NFAT5: variants seen among roughly 807,000 people sequenced by gnomAD.
NFAT5 encodes the protein nuclear factor of activated T cells 5.
A neutral mutation model predicts 166.5 loss-of-function variants in NFAT5; 31 were observed. That is an observed-to-expected ratio of 0.19 (90% CI 0.14 to 0.25). The LOEUF is 0.25. NFAT5 is among the 10% of genes least tolerant of loss of function. The pLI, the probability that NFAT5 is intolerant of heterozygous loss-of-function variation, is 1.00. For synonymous variants in NFAT5, 612 were observed against 639.7 expected (o/e 0.96, Z 0.65); for missense variants, 1,449 against 1,821.8 (o/e 0.80, Z 3.72).
intron 10 of NFAT5, among the ~76,000 whole-genome samples, chr16:69,677,702 T>A (rs1351687813): frequency 1.3e-5 from 2 of 152,152 alleles, no homozygotes; most frequent in African/African-American, 4.8e-5. Context: ...GTTTGGCTGG[T>A]TTATAGGGTA....
intron 10 of NFAT5, among the ~76,000 whole-genome samples, chr16:69,680,738 ATTTTTTTG>A (rs538788295): frequency 0.012 from 1,754 of 151,852 alleles, 26 homozygotes; most frequent in African/African-American, 0.037. Flanking sequence ...TGCAATTTTC[ATTTTTTTG>A]TTTTTTTGTT....
intron 9 of NFAT5, among the ~76,000 whole-genome samples, chr16:69,673,214 A>G (rs2036695280): frequency 2.6e-5 from 4 of 152,210 alleles, no homozygotes; most frequent in African/African-American, 7.2e-5. Context: ...GCAAGCAAGT[A>G]TGTAAACAAA....
At chr16:69,657,583 A>G (rs1403724132) in intron 6 of NFAT5, among the ~76,000 whole-genome samples, 2 of 148,104 alleles carry the variant, frequency 1.4e-5, no homozygotes, top group Non-Finnish European at 3.0e-5. Context: ...AGATGGAGAA[A>G]CCCTGTCTCT....
At chr16:69,582,162 G>T (rs376042835) in intron 2 of NFAT5, among the ~76,000 whole-genome samples, 1 of 152,288 alleles carries the variant, frequency 6.6e-6, no homozygotes, top group African/African-American at 2.4e-5. Flanking sequence ...CTGCTCAGGA[G>T]GCTGAGGCAG....
intron 3 of NFAT5, among the ~76,000 whole-genome samples, chr16:69,634,861 C>T (rs975039711): frequency 2.6e-5 from 4 of 152,060 alleles, no homozygotes; most frequent in Admixed American, 6.6e-5. Flanking sequence ...AAATAAATTT[C>T]TAATAATATT....
chr16:69,585,815 T>G (rs1341576710), intron 2 of NFAT5, among the ~76,000 whole-genome samples: 1 of 152,132 alleles, frequency 6.6e-6, no homozygotes, highest in Non-Finnish European at 1.5e-5. Flanking sequence ...AAGTAGAATA[T>G]TGTCTAGAAA....
In NFAT5 at chr16:69,643,127, G is replaced by A. The variant is rs1287165743; in HGVS notation, c.254-3901G>A. On this transcript the variant is annotated intron_variant, in intron 3 of 14. Coordinates refer to ENST00000349945, the MANE Select transcript of NFAT5 (RefSeq NM_138713.4). The stretch of plus-strand genomic sequence containing the variant: ...AGCTACTCAGGAGGCTAAGGCGGGA[G>A]AATCACTTGAAACCTGGGAGGCAGA... Among the ~76,000 whole-genome samples, 3 of 148,900 alleles carry A rather than the reference G, an allele frequency of 2.0e-5. No homozygotes were observed. The East Asian group carries it at 6.0e-4, about 30-fold the overall frequency.
intron 3 of NFAT5, among the ~76,000 whole-genome samples, chr16:69,642,031 C>T (rs899052520): frequency 4.0e-5 from 6 of 151,566 alleles, no homozygotes; most frequent in Admixed American, 2.6e-4. Flanking sequence ...CCCAGGAGGT[C>T]GAGGCTGCAG....
At chr16:69,626,260 C>G (rs1475293416) in intron 2 of NFAT5, 143 bp from the exon 3 acceptor site, 1 of 664,594 alleles carries the variant, frequency 1.5e-6, no homozygotes, top group South Asian at 3.7e-5. Flanking sequence ...CTGCTAATAG[C>G]TCTTTACATT....
intron 2 of NFAT5, among the ~76,000 whole-genome samples, chr16:69,581,528 C>G (rs1443336902): frequency 1.3e-5 from 2 of 152,166 alleles, no homozygotes; most frequent in African/African-American, 4.8e-5. Flanking sequence ...AAACTGCTTT[C>G]CATGATGGCT....
chr16:69,688,228 C>CAAAAAAAAAAAAAAAAAAAA, intron 11 of NFAT5, among the ~76,000 whole-genome samples: 1 of 102,404 alleles, frequency 9.8e-6, no homozygotes, highest in African/African-American at 4.3e-5. Context: ...AAAAAAAAAC[C>CAAAAAAAAAAAAAAAAAAAA]AGGAGTTTGA....
chr16:69,694,053 G>C lies in NFAT5; in HGVS notation c.4228G>C (p.Asp1410His), dbSNP rs1198206477. ...SALQTSINQQDMQQSPLYSPQ... is the reference protein window; with the variant it reads ...SALQTSINQQHMQQSPLYSPQ... ...CTTGCAGACCAGTATAAATCAACAA[G>C]ATATGCAACAGTCTCCTCTTTATTC... The change falls in exon 13 of 15, where the codon GAT becomes CAT. Residue 1410 changes from aspartate (D) to histidine (H), a missense_variant. Around this residue, in one of 7 missense-constraint regions of NFAT5, gnomAD observed 891 missense variants for 993.0 expected, o/e 0.90. Transcript: ENST00000349945. The C allele has an allele frequency of 1.7e-5, 27 of 1,613,952 alleles. No homozygotes were observed. Among genetic ancestry groups the C allele is most frequent in the Non-Finnish European group, 2.0e-5 (24 of 1,180,020 alleles).
chr16:69,693,207 G>A lies in NFAT5; in HGVS notation c.3382G>A (p.Glu1128Lys), dbSNP rs1246017789. ...VHSQTSTTSS[E>K]QMQPPMFHSQ... The stretch of plus-strand genomic sequence containing the variant: ...CAGTCAGACTTCTACAACCTCCTCT[G>A]AACAAATGCAGCCTCCAATGTTTCA... The change falls in exon 13 of 15, where the codon GAA (glutamate) becomes AAA (lysine). Residue 1128 changes from glutamate to lysine, a missense_variant. By Grantham distance (56) the Glu-to-Lys change is moderately conservative. Coordinates refer to ENST00000349945, the MANE Select transcript of NFAT5 (RefSeq NM_138713.4). 2.5e-6 allele frequency: 4 copies of A among 1,613,946 alleles called. No homozygotes were observed. The highest frequency in any genetic ancestry group is 2.5e-6 in the Non-Finnish European group (3 of 1,180,020).
At chr16:69,642,646 A>G (rs1048143879) in intron 3 of NFAT5, among the ~76,000 whole-genome samples, 3 of 151,754 alleles carry the variant, frequency 2.0e-5, no homozygotes, top group African/African-American at 7.3e-5. Context: ...TGGTGAAACT[A>G]TCTCTACTAA....
At chr16:69,637,746 G>A (rs917849931) in intron 3 of NFAT5, among the ~76,000 whole-genome samples, 1 of 152,074 alleles carries the variant, frequency 6.6e-6, no homozygotes, top group African/African-American at 2.4e-5. Context: ...GATTTGGGTG[G>A]GGATACATAG....
intron 9 of NFAT5, among the ~76,000 whole-genome samples, chr16:69,672,242 C>G (rs1052781207): frequency 6.6e-6 from 1 of 152,196 alleles, no homozygotes; most frequent in Non-Finnish European, 1.5e-5. Context: ...AACAAACATT[C>G]CTTTGTCACA....
intron 3 of NFAT5, among the ~76,000 whole-genome samples, chr16:69,637,628 T>C (rs2035023826): frequency 6.6e-6 from 1 of 152,186 alleles, no homozygotes; most frequent in African/African-American, 2.4e-5. Flanking sequence ...TGAGACTTAT[T>C]ATCTGTCAGA....
chr16:69,636,100 C>T (rs1477289109), intron 3 of NFAT5, among the ~76,000 whole-genome samples: 1 of 151,994 alleles, frequency 6.6e-6, no homozygotes, highest in African/African-American at 2.4e-5. Flanking sequence ...AGAAATTGGC[C>T]AAAACAAAGG....
At chr16:69,584,379 G>A (rs1042263618) in intron 2 of NFAT5, among the ~76,000 whole-genome samples, 2 of 151,038 alleles carry the variant, frequency 1.3e-5, no homozygotes, top group African/African-American at 4.9e-5. Context: ...CAGTGAGTAG[G>A]GTGCAGTGGT....
Sources: gnomAD v4.1 joint callset for allele counts (sites outside exome capture counted in the v4.1 genomes callset) on GRCh38, gnomAD v4.1.1 for gene constraint, gnomAD v4.1.1 regional missense constraint, MANE v1.5 for transcripts, NCBI Gene and HGNC (gene_info 2026-07-23, HGNC 2026-07-21) for gene names.